C3orf22: variants seen among roughly 807,000 people sequenced by gnomAD.
The protein encoded by C3orf22 is chromosome 3 open reading frame 22, also known as uncharacterized protein C3orf22.
Under a neutral mutation model 10.8 loss-of-function variants are expected in C3orf22, and 7 were observed. The ratio of observed to expected loss-of-function variants is 0.65; its 90% CI spans 0.37 to 1.22. C3orf22 has a LOEUF of 1.22. Among genes scored for constraint, C3orf22 ranks in the 50% most tolerant of loss-of-function variants. The pLI is 0.02. For synonymous variants in C3orf22, 79 were observed against 78.9 expected (o/e 1.00, Z 0.00); for missense variants, 173 against 177.0 (o/e 0.98, Z 0.13).
intron 4 of C3orf22, chr3:126,542,122 C>T (rs1163908532): frequency 1.2e-5 from 19 of 1,573,574 alleles, no homozygotes; most frequent in Middle Eastern, 1.7e-4. Flanking sequence ...AGCTCGCGCG[C>T]CCCTACAGCG....
chr3:126,529,012 C>T (rs1189735549), intron 5 of C3orf22: 2 of 344,528 alleles, frequency 5.8e-6, no homozygotes, highest in Non-Finnish European at 1.1e-5. Flanking sequence ...CTGCTTATCT[C>T]CTCTTGCAAC....
At chr3:126,541,552 C>G (rs1936956272) in intron 4 of C3orf22, among the ~76,000 whole-genome samples, 1 of 152,208 alleles carries the variant, frequency 6.6e-6, no homozygotes, top group Non-Finnish European at 1.5e-5. Flanking sequence ...AATCTCGGCC[C>G]AGGACAGATG....
intron 4 of C3orf22, among the ~76,000 whole-genome samples, chr3:126,535,350 C>T (rs541683315): frequency 9.3e-5 from 14 of 150,550 alleles, no homozygotes; most frequent in Middle Eastern, 3.7e-3. Flanking sequence ...TGTCCTCAGC[C>T]GGGAGACACA....
In C3orf22 at chr3:126,529,475, G is replaced by T. The variant is rs1038285128; in HGVS notation, c.287-103C>A. ...CAGATGCTGGCACCGGTGGCCTGGG[G>T]TCAAATTCTGTTTCTGGCACAGCAA... is the stretch of plus-strand genomic sequence containing the variant. On this transcript the variant is annotated intron_variant and NMD_transcript_variant, in intron 4 of 5. Coordinates refer to the C3orf22 transcript ENST00000505070. 7 of 1,049,464 alleles carry T rather than the reference G, an allele frequency of 6.7e-6. No individual in the cohort carries two copies. In the South Asian group the frequency reaches 9.0e-5, roughly 14 times the overall value. 65.0% of individuals were successfully genotyped at this position (1,049,464 alleles called of 1,614,324 possible).
chr3:126,544,268 C>T (rs1222550786), intron 4 of C3orf22, among the ~76,000 whole-genome samples: 3 of 152,164 alleles, frequency 2.0e-5, no homozygotes, highest in Non-Finnish European at 4.4e-5. Flanking sequence ...CACCTCCGGA[C>T]TGTCCAGAGC....
intron 1 of C3orf22, 40 bp from the exon 2 acceptor site, chr3:126,553,470 T>TG: frequency 1.8e-6 from 1 of 543,608 alleles, no homozygotes. Context: ...GCAGGGGTGG[T>TG]GGGGGGCAGA....
At position 126,556,639 on chromosome 3, in the gene C3orf22, C is replaced by T. The variant is rs531646696; in HGVS notation, c.-41+1988G>A. 8.5e-5 allele frequency among the ~76,000 whole-genome samples: 5 copies of T among 58,864 alleles called. No homozygotes were observed. In the East Asian group the frequency reaches 1.5e-3, roughly 18 times the overall value. 38.6% of individuals were successfully genotyped at this position (58,864 alleles called of 152,430 possible). On this transcript the variant is annotated intron_variant, in intron 1 of 3. Coordinates refer to ENST00000318225, the MANE Select transcript of C3orf22 (RefSeq NM_152533.3). ...TTTCCCACCTCGCCTCACTGACTGC[C>T]GTTCCCACACACACACACACACACA...
intron 1 of C3orf22, among the ~76,000 whole-genome samples, chr3:126,554,897 G>C (rs979255679): frequency 2.6e-5 from 4 of 152,176 alleles, no homozygotes; most frequent in African/African-American, 9.7e-5. Flanking sequence ...CTTTCTCTGG[G>C]ACTAGCACCA....
chr3:126,554,281 TGAG>T (rs1195193078), intron 1 of C3orf22, among the ~76,000 whole-genome samples: 51 of 82,130 alleles, frequency 6.2e-4, no homozygotes, highest in African/African-American at 2.7e-3. Flanking sequence ...TTTTTTTTTT[TGAG>T]ACGAAGTCTC....
At chr3:126,546,463 G>T (rs1489699410), downstream of C3orf22, among the ~76,000 whole-genome samples, 1 of 152,166 alleles carries the variant, frequency 6.6e-6, no homozygotes, top group East Asian at 1.9e-4. Flanking sequence ...GGGGCCTTTG[G>T]GAGGTGATCA....
In C3orf22 at chr3:126,542,575, C is replaced by T. The variant is rs1330324961; in HGVS notation, c.286+6962G>A. Reference sequence around the variant, plus strand: ...CCGCCCCCTCCTACCTGCGGCTGCTCTAGCGGTCCTGGAGGTCCTGTGGCC... The same window carrying T: ...CCGCCCCCTCCTACCTGCGGCTGCTTTAGCGGTCCTGGAGGTCCTGTGGCC... On this transcript the variant is annotated intron_variant and NMD_transcript_variant, in intron 4 of 5. Transcript: ENST00000505070. 10 of 1,484,104 alleles carry T rather than the reference C, an allele frequency of 6.7e-6. No homozygotes were observed. The East Asian group carries it at 2.6e-4, about 39-fold the overall frequency. The allele number at this position is 1,484,104 out of a possible 1,614,324, so 91.9% of individuals were successfully genotyped here.
At chr3:126,528,065 T>C (rs751344485) in intron 5 of C3orf22, among the ~76,000 whole-genome samples, 1 of 151,098 alleles carries the variant, frequency 6.6e-6, no homozygotes, top group African/African-American at 2.4e-5. Flanking sequence ...GAGAGGAAAC[T>C]GCAAGCAGAA....
Position 126,555,936 on chromosome 3 carries a change from G to A in C3orf22, c.-40-2506C>T, listed in dbSNP as rs114925671. On this transcript the variant is annotated intron_variant, in intron 1 of 3. Transcript: ENST00000318225. The stretch of plus-strand genomic sequence containing the variant: ...GGGCAGGGGTGTGGCCCTGAGGAAT[G>A]TCTGCCTCCTCCCACATCTGGTGGG... Among the ~76,000 whole-genome samples, 1,259 of 152,284 alleles carry A rather than the reference G, an allele frequency of 8.3e-3. 11 individuals are homozygous for A. The highest frequency in any genetic ancestry group is 0.029 in the African/African-American group (1,200 of 41,554).
downstream of C3orf22, among the ~76,000 whole-genome samples, chr3:126,548,053 G>A (rs74968663): frequency 9.4e-3 from 1,427 of 152,366 alleles, 23 homozygotes; most frequent in African/African-American, 0.031. Context: ...GGAGTGCAGT[G>A]GTGCGATCTC....
At chr3:126,538,413 A>T (rs1450650818) in intron 4 of C3orf22, among the ~76,000 whole-genome samples, 3 of 152,252 alleles carry the variant, frequency 2.0e-5, no homozygotes, top group African/African-American at 4.8e-5. Context: ...CCTGGGAGTC[A>T]TCTGGCTAAT....
intron 3 of C3orf22, among the ~76,000 whole-genome samples, chr3:126,550,515 C>CAGCT (rs1937157666): frequency 6.6e-6 from 1 of 152,196 alleles, no homozygotes; most frequent in Non-Finnish European, 1.5e-5. Flanking sequence ...CATCTCCCAG[C>CAGCT]AGCTACATGC....
chr3:126,556,007 C>T (rs1937320090), intron 1 of C3orf22, among the ~76,000 whole-genome samples: 2 of 152,236 alleles, frequency 1.3e-5, no homozygotes, highest in African/African-American at 4.8e-5. Context: ...CCCCTCCACA[C>T]CACACCCTGT....
chr3:126,537,422 C>A (rs557706938), intron 4 of C3orf22, among the ~76,000 whole-genome samples: 1 of 152,342 alleles, frequency 6.6e-6, no homozygotes, highest in Admixed American at 6.5e-5. Flanking sequence ...CAGATTTTCA[C>A]CCTTGGGGTA....
chr3:126,541,618 G>C (rs899074449), intron 4 of C3orf22: 2 of 1,006,934 alleles, frequency 2.0e-6, no homozygotes. Flanking sequence ...GAATTTGGGT[G>C]CCCGGCGCAG....
Sources: gnomAD v4.1 joint callset for allele counts (sites outside exome capture counted in the v4.1 genomes callset) on GRCh38, gnomAD v4.1.1 for gene constraint, MANE v1.5 for transcripts, NCBI Gene and HGNC (gene_info 2026-07-23, HGNC 2026-07-21) for gene names.